Variants in FRMD8 observed in about 807,000 individuals in gnomAD.
FRMD8 encodes the protein FERM domain-containing protein 8.
Under a neutral mutation model 54.2 loss-of-function variants are expected in FRMD8, and 37 were observed. That is an observed-to-expected ratio of 0.68 (90% CI 0.53 to 0.90). The LOEUF is 0.90. FRMD8 is among the 40% of genes least tolerant of loss of function. FRMD8 has a pLI of 0.00. For missense variants in FRMD8, 585 were observed against 653.7 expected, an observed-to-expected ratio of 0.89 and a Z score of 1.15; for synonymous variants, 246 against 286.9, an observed-to-expected ratio of 0.86 and a Z score of 1.44.
chr11:65,403,937 T>C (rs1856133831), intron 9 of FRMD8, among the ~76,000 whole-genome samples: 2 of 152,204 alleles, frequency 1.3e-5, no homozygotes, highest in South Asian at 4.1e-4. Flanking sequence ...GCCAGCCCAC[T>C]GCCCTTTGGC....
chr11:65,379,978 C>G, the FRMD8 span: 1 of 1,611,884 alleles, frequency 6.2e-7, no homozygotes, highest in Non-Finnish European at 8.5e-7. Context: ...GCGGGATGGG[C>G]AGGTGGGCCA....
chr11:65,379,279 C>G, the FRMD8 span: 2 of 1,409,940 alleles, frequency 1.4e-6, no homozygotes, highest in Non-Finnish European at 9.8e-7. Flanking sequence ...GAGGCCTATG[C>G]CTCCACAGCT....
upstream of FRMD8, chr11:65,382,958 T>C (rs1468266982): frequency 6.6e-6 from 1 of 152,316 alleles, no homozygotes; most frequent in Admixed American, 6.5e-5. This position sits in a 1 kb window ranked among gnomAD's most constrained non-coding sequence, Gnocchi z 4.4. Flanking sequence ...CAACATACGA[T>C]GGGAAGAACT....
rs1170326258 is a variant in FRMD8, at chr11:65,389,393, A to C, written c.118A>C (p.Thr40Pro). 3.1e-6 allele frequency: 5 copies of C among 1,610,798 alleles called. No individual in the cohort carries two copies. Among genetic ancestry groups the C allele is most frequent in the Non-Finnish European group, 4.2e-6 (5 of 1,179,992 alleles). ...CGTGCTGGTATACCTAGCGGATGACACGGTGGTGCCCCTGGCTGTGGAGAA... is the reference window on the plus strand; with the variant it reads ...CGTGCTGGTATACCTAGCGGATGACCCGGTGGTGCCCCTGGCTGTGGAGAA... ...ADVLVYLADD[T>P]VVPLAVENLP... The change falls in exon 3 of 11, where the codon ACG becomes CCG. Residue 40 changes from threonine to proline, a missense_variant. Transcript: ENST00000317568.
In FRMD8 at chr11:65,411,492, AC is replaced by A; in HGVS notation, c.*134del. 1.7e-6 allele frequency: 1 copy of A among 596,758 alleles called. No individual in the cohort carries two copies. The highest frequency in any genetic ancestry group is 2.8e-6 in the Non-Finnish European group (1 of 356,402). The allele number at this position is 596,758 out of a possible 1,614,324, so 37.0% of individuals were successfully genotyped here. A position where few individuals can be genotyped will look rare whatever the true frequency, so the allele number is the denominator to read the frequency against. Reference sequence around the variant, plus strand: ...AGGGCTGCCTCAGCAGGTTTCTCAGACCACGGAGAAGTGACTTTTGGGCCCG... The same window carrying A: ...AGGGCTGCCTCAGCAGGTTTCTCAGACACGGAGAAGTGACTTTTGGGCCCG... On this transcript the variant is annotated 3_prime_UTR_variant, in exon 11 of 11. Coordinates refer to ENST00000317568, the MANE Select transcript of FRMD8 (RefSeq NM_031904.5).
At chr11:65,391,314 G>A (rs1346346612) in intron 3 of FRMD8, among the ~76,000 whole-genome samples, 11 of 152,160 alleles carry the variant, frequency 7.2e-5, no homozygotes, top group South Asian at 2.1e-4. Context: ...TGGGGCTTGG[G>A]GTTAAGGCTG....
At chr11:65,376,400 G>C in the FRMD8 span, 1 of 1,610,942 alleles carries the variant, frequency 6.2e-7, no homozygotes, top group Non-Finnish European at 8.5e-7. Context: ...TGGCATTGCC[G>C]CAGGGCTCAT....
chr11:65,384,151 C>G (rs1189145332), upstream of FRMD8, among the ~76,000 whole-genome samples: 1 of 152,154 alleles, frequency 6.6e-6, no homozygotes, highest in Non-Finnish European at 1.5e-5. Flanking sequence ...TGAAGGGAAG[C>G]CCACCTAAGC....
the FRMD8 span, among the ~76,000 whole-genome samples, chr11:65,370,036 AAAATAAATAAAT>A: frequency 6.6e-6 from 1 of 151,244 alleles, no homozygotes; most frequent in South Asian, 2.1e-4. Flanking sequence ...TGTCTCCAAA[AAAATAAATAAAT>A]AAATAAATAA....
At chr11:65,386,931 G>C (rs894724980) in intron 1 of FRMD8, 106 bp from the exon 2 acceptor site, 3 of 991,650 alleles carry the variant, frequency 3.0e-6, no homozygotes, top group Non-Finnish European at 4.5e-6. Flanking sequence ...GCTCAACCTT[G>C]CGGACCCAGC....
the FRMD8 span, chr11:65,376,870 G>T: frequency 6.2e-7 from 1 of 1,614,230 alleles, no homozygotes; most frequent in East Asian, 2.2e-5. Context: ...CATAGGTGAT[G>T]AAGTAGATCC....
At chr11:65,387,334 C>T (rs1201781229) in intron 2 of FRMD8, 1 of 657,906 alleles carries the variant, frequency 1.5e-6, no homozygotes, top group Non-Finnish European at 2.8e-6. Context: ...GTAAAATGAG[C>T]TTGTTTAACA....
chr11:65,368,725 G>A, the FRMD8 span, among the ~76,000 whole-genome samples: 2 of 151,932 alleles, frequency 1.3e-5, no homozygotes, highest in Non-Finnish European at 2.9e-5. Context: ...CACCATGCCC[G>A]GCTAATTTTT....
chr11:65,408,586 C>G (rs987700285), intron 10 of FRMD8, among the ~76,000 whole-genome samples: 3 of 151,604 alleles, frequency 2.0e-5, no homozygotes, highest in African/African-American at 7.3e-5. Context: ...GGATACTTTC[C>G]TAGAAATGGC....
At chr11:65,392,437 A>C (rs1012389548) in intron 3 of FRMD8, among the ~76,000 whole-genome samples, 4 of 152,136 alleles carry the variant, frequency 2.6e-5, no homozygotes, top group African/African-American at 9.7e-5. Flanking sequence ...TGGCTCCTGC[A>C]CCCCGGTGAC....
upstream of FRMD8, among the ~76,000 whole-genome samples, chr11:65,386,251 A>G (rs1326758701): frequency 6.6e-6 from 1 of 152,130 alleles, no homozygotes. Flanking sequence ...TCTCCTGACC[A>G]CTGCCGAGAG....
chr11:65,387,174 G>T (rs766161238), intron 2 of FRMD8, 53 bp downstream of exon 2: 2 of 1,382,062 alleles, frequency 1.4e-6, no homozygotes, highest in South Asian at 2.3e-5. Flanking sequence ...CCCAGCCCTG[G>T]AGAAGTAGCT....
intron 10 of FRMD8, among the ~76,000 whole-genome samples, chr11:65,405,728 AGT>A (rs915389080): frequency 2.0e-5 from 3 of 152,106 alleles, no homozygotes; most frequent in Non-Finnish European, 4.4e-5. Context: ...GGCCGGGTGC[AGT>A]GTCTCACACC....
the FRMD8 span, chr11:65,380,759 A>T: frequency 2.6e-6 from 1 of 387,550 alleles, no homozygotes; most frequent in Non-Finnish European, 4.8e-6. Flanking sequence ...CACCCCCAGG[A>T]GGCAGGTTCA....
Sources: allele counts gnomAD v4.1 joint callset (sites outside exome capture counted in the v4.1 genomes callset), GRCh38; gene constraint gnomAD v4.1.1; non-coding constraint Gnocchi (gnomAD v3.1); transcripts MANE v1.5; gene names NCBI Gene and HGNC (gene_info 2026-07-23, HGNC 2026-07-21).